Variants in SLC4A5 observed in about 807,000 individuals in gnomAD.
SLC4A5 encodes the protein electrogenic sodium bicarbonate cotransporter 4.
In SLC4A5, 96 loss-of-function variants were observed where a neutral mutation model predicts 120.4. The ratio of observed to expected loss-of-function variants is 0.80; its 90% CI spans 0.68 to 0.94. SLC4A5 has a LOEUF of 0.94. Among genes scored for constraint, SLC4A5 ranks in the 40% least tolerant of loss-of-function variants. SLC4A5 has a pLI of 0.00. For missense variants in SLC4A5, 1,259 were observed against 1,459.5 expected (o/e 0.86, Z 2.24); for synonymous variants, 550 against 571.1 (o/e 0.96, Z 0.53).
intron 7 of SLC4A5, 107 bp downstream of exon 7, chr2:74,304,382 T>A: frequency 8.5e-7 from 1 of 1,180,014 alleles, no homozygotes; most frequent in East Asian, 2.4e-5. Context: ...GGCTGAGCCA[T>A]GTGGAGCGTT....
chr2:74,227,959 G>A (rs1694910285), intron 25 of SLC4A5, 81 bp from the exon 26 acceptor site: 4 of 986,812 alleles, frequency 4.1e-6, no homozygotes, highest in African/African-American at 3.3e-5. Context: ...AGTGGCTCCT[G>A]ACCACAGAGG....
Position 74,280,031 on chromosome 2 carries a change from C to T in SLC4A5, c.401+5742G>A, listed in dbSNP as rs535181804. ...AGATGAACTCTCTTAAGGATATGCA[C>T]GATTCTGTCCTTTTCCCACCTAGAA... On this transcript the variant is annotated intron_variant, in intron 8 of 30. Transcript: ENST00000394019. 7.3e-4 allele frequency among the ~76,000 whole-genome samples: 111 copies of T among 152,256 alleles called. 1 individual carries two copies. The highest frequency in any genetic ancestry group is 2.6e-3 in the African/African-American group (107 of 41,560).
intron 5 of SLC4A5, among the ~76,000 whole-genome samples, chr2:74,317,479 C>T (rs574139228): frequency 2.0e-5 from 3 of 152,162 alleles, no homozygotes; most frequent in Non-Finnish European, 4.4e-5. Context: ...TGATGCAGAG[C>T]GGGCTGAACA....
chr2:74,239,558 G>C (rs1309370337), intron 20 of SLC4A5, 23 bp from the exon 21 acceptor site: 2 of 1,611,428 alleles, frequency 1.2e-6, no homozygotes, highest in East Asian at 4.5e-5. Context: ...GCACAGGAGA[G>C]AATGGGTCAG....
At chr2:74,248,634 TCTC>T in intron 17 of SLC4A5, 148 bp from the exon 18 acceptor site, 2 of 892,336 alleles carry the variant, frequency 2.2e-6, no homozygotes, top group Admixed American at 5.6e-5. Context: ...CTGTTCTCCA[TCTC>T]CTACACCCTC....
chr2:74,219,202 TG>T (rs1694541181), intron 30 of SLC4A5, among the ~76,000 whole-genome samples: 2 of 123,752 alleles, frequency 1.6e-5, no homozygotes, highest in South Asian at 2.2e-4. Context: ...TGTGTGTGTG[TG>T]TGTGTGTGTG....
At chr2:74,218,429 C>G (rs1294264135) in exon 31 of SLC4A5, 1 of 152,090 alleles carries the variant, frequency 6.6e-6, no homozygotes, top group African/African-American at 2.4e-5. Flanking sequence ...TAATATTTAG[C>G]TTTAGGTATT....
exon 8 of SLC4A5, chr2:74,285,835 G>A: frequency 6.2e-7 from 1 of 1,612,978 alleles, no homozygotes; most frequent in Non-Finnish European, 8.5e-7. Context: ...TCTCTGTAAA[G>A]AGGGTGGGGT....
chr2:74,303,912 G>C (rs1315425856), intron 7 of SLC4A5, among the ~76,000 whole-genome samples: 189 of 150,914 alleles, frequency 1.3e-3, no homozygotes, highest in Admixed American at 3.2e-3. Flanking sequence ...TGCAGTGGCG[G>C]GATCTCGGCT....
At chr2:74,235,929 T>C (rs1165043350) in intron 21 of SLC4A5, among the ~76,000 whole-genome samples, 1 of 152,226 alleles carries the variant, frequency 6.6e-6, no homozygotes, top group African/African-American at 2.4e-5. Flanking sequence ...GTCTACCCTG[T>C]GGCCTTTTTA....
chr2:74,231,859 G>C (rs1029707790), intron 24 of SLC4A5, among the ~76,000 whole-genome samples: 8 of 152,192 alleles, frequency 5.3e-5, no homozygotes, highest in Admixed American at 2.6e-4. Flanking sequence ...CAGGCTGGGC[G>C]GTCCAAGTAT....
chr2:74,317,350 T>C (rs1415900763), intron 5 of SLC4A5, among the ~76,000 whole-genome samples: 3 of 140,966 alleles, frequency 2.1e-5, no homozygotes, highest in South Asian at 2.2e-4. Context: ...CAGGAACAGA[T>C]AGTTTTTTTT....
chr2:74,319,809 T>C (rs1573100663), intron 5 of SLC4A5, among the ~76,000 whole-genome samples: 1 of 152,348 alleles, frequency 6.6e-6, no homozygotes, highest in Non-Finnish European at 1.5e-5. Context: ...TGGTCTCACC[T>C]GACCATCTAA....
At chr2:74,229,052 A>G (rs1694959068) in intron 25 of SLC4A5, among the ~76,000 whole-genome samples, 1 of 139,880 alleles carries the variant, frequency 7.1e-6, no homozygotes, top group Admixed American at 7.3e-5. Context: ...CAACACTAGG[A>G]GGGCTTTAGA....
At chr2:74,275,698 A>G (rs1224014020) in intron 8 of SLC4A5, among the ~76,000 whole-genome samples, 1 of 152,216 alleles carries the variant, frequency 6.6e-6, no homozygotes, top group East Asian at 1.9e-4. Context: ...ACACTTCCTA[A>G]TCACGACAAC....
chr2:74,246,748 G>A (rs1487376346), intron 19 of SLC4A5, among the ~76,000 whole-genome samples: 1 of 152,190 alleles, frequency 6.6e-6, no homozygotes, highest in African/African-American at 2.4e-5. Flanking sequence ...TGGCACTCCT[G>A]ATAGGTGTGG....
At chr2:74,333,156 A>T (rs1673402633) in intron 4 of SLC4A5, among the ~76,000 whole-genome samples, 1 of 152,168 alleles carries the variant, frequency 6.6e-6, no homozygotes, top group South Asian at 2.1e-4. Flanking sequence ...TCACTACTGG[A>T]GGGAGAGTAC....
chr2:74,259,255 T>C (rs1034054035), intron 12 of SLC4A5, among the ~76,000 whole-genome samples: 17 of 152,210 alleles, frequency 1.1e-4, no homozygotes, highest in Admixed American at 6.5e-4. Flanking sequence ...TTAAAGGTGC[T>C]TGTGGATCAC....
chr2:74,250,459 A>T, exon 17 of SLC4A5: 1 of 1,614,246 alleles, frequency 6.2e-7, no homozygotes, highest in Non-Finnish European at 8.5e-7. Flanking sequence ...CCATCATAGA[A>T]GTCACTTGGG....
Sources: gnomAD v4.1 joint callset for allele counts (sites outside exome capture counted in the v4.1 genomes callset) on GRCh38, gnomAD v4.1.1 for gene constraint, MANE v1.5 for transcripts, NCBI Gene and HGNC (gene_info 2026-07-23, HGNC 2026-07-21) for gene names.